PTPRO: variants seen among roughly 807,000 people sequenced by gnomAD.
PTPRO encodes protein tyrosine phosphatase receptor type O.
A neutral mutation model predicts 145.2 loss-of-function variants in PTPRO; 62 were observed. That is an observed-to-expected ratio of 0.43 (90% CI 0.35 to 0.53). PTPRO has a LOEUF of 0.53. Among genes scored for constraint, PTPRO ranks in the 20% least tolerant of loss-of-function variants. The pLI, the probability that PTPRO is intolerant of heterozygous loss-of-function variation, is 0.01. For missense variants in PTPRO, 1,345 were observed against 1,482.7 expected (o/e 0.91, Z 1.53); for synonymous variants, 565 against 514.7 (o/e 1.10, Z -1.32).
intron 1 of PTPRO, among the ~76,000 whole-genome samples, chr12:15,457,285 A>G (rs1174958137): frequency 6.6e-6 from 1 of 152,214 alleles, no homozygotes; most frequent in African/African-American, 2.4e-5. Flanking sequence ...CAGCTCACAG[A>G]CAGCCTATTG....
chr12:15,505,818 GTTACA>G (rs1942310092), intron 6 of PTPRO, among the ~76,000 whole-genome samples: 1 of 152,146 alleles, frequency 6.6e-6, no homozygotes, highest in Non-Finnish European at 1.5e-5. Context: ...GTGTTGAGCT[GTTACA>G]TTACAATTTA....
intron 1 of PTPRO, among the ~76,000 whole-genome samples, chr12:15,423,308 C>A (rs527273752): frequency 2.0e-5 from 3 of 152,080 alleles, no homozygotes; most frequent in Non-Finnish European, 4.4e-5. Flanking sequence ...ATTTACCGAT[C>A]TTGTGAAATT....
intron 19 of PTPRO, among the ~76,000 whole-genome samples, chr12:15,575,950 A>C (rs1944176255): frequency 1.3e-5 from 2 of 152,176 alleles, no homozygotes; most frequent in South Asian, 4.1e-4. Flanking sequence ...AACTGCAAAG[A>C]CACTTTCTCC....
At chr12:15,561,292 G>A (rs1943766507) in intron 17 of PTPRO, among the ~76,000 whole-genome samples, 1 of 152,006 alleles carries the variant, frequency 6.6e-6, no homozygotes, top group Admixed American at 6.6e-5. Context: ...GCAATCTGGA[G>A]CATTTATTTA....
chr12:15,582,432 A>G (rs1042067346), intron 23 of PTPRO, among the ~76,000 whole-genome samples: 1 of 152,208 alleles, frequency 6.6e-6, no homozygotes, highest in South Asian at 2.1e-4. Flanking sequence ...GGAAAAATCC[A>G]TTCTCAGTGT....
chr12:15,562,359 C>T (rs904199913), intron 17 of PTPRO, among the ~76,000 whole-genome samples: 1 of 152,108 alleles, frequency 6.6e-6, no homozygotes, highest in Admixed American at 6.6e-5. Flanking sequence ...ATGTGTTTGT[C>T]TTCATATTTC....
At chr12:15,510,327 A>T (rs1225857613) in intron 7 of PTPRO, among the ~76,000 whole-genome samples, 1 of 152,192 alleles carries the variant, frequency 6.6e-6, no homozygotes, top group African/African-American at 2.4e-5. Context: ...ATCACAGTTC[A>T]TTGTGTAACT....
intron 1 of PTPRO, among the ~76,000 whole-genome samples, chr12:15,431,233 C>T (rs927997915): frequency 6.6e-6 from 1 of 152,202 alleles, no homozygotes; most frequent in East Asian, 1.9e-4. Flanking sequence ...CCCACCCTAA[C>T]TTTGCCTTTA....
At chr12:15,439,759 G>T in intron 1 of PTPRO, 1 of 580,102 alleles carries the variant, frequency 1.7e-6, no homozygotes, top group East Asian at 3.9e-5. Context: ...AGTCCCTGGA[G>T]GAGATCTACC....
At position 15,501,853 on chromosome 12, in the gene PTPRO, T is replaced by G; in HGVS notation, c.895T>G (p.Trp299Gly). 3 of 1,614,098 alleles carry G rather than the reference T, an allele frequency of 1.9e-6. No homozygotes were observed. Among genetic ancestry groups the G allele is most frequent in the Non-Finnish European group, 2.5e-6 (3 of 1,179,974 alleles). The change falls in exon 5 of 27, where the codon TGG becomes GGG. Residue 299 changes from tryptophan to glycine, a missense_variant. Trp to Gly is a radical substitution (Grantham distance 184). Transcript: ENST00000281171. ...SDYETTSQPY[W>G]WDSASAAPES... Reference sequence around the variant, plus strand: ...CTATGAAACTACGTCTCAGCCATATTGGTGGGACAGTGCATCTGCAGCTCC... The same window carrying G: ...CTATGAAACTACGTCTCAGCCATATGGGTGGGACAGTGCATCTGCAGCTCC...
At chr12:15,492,711 G>A (rs565141509) in intron 2 of PTPRO, among the ~76,000 whole-genome samples, 13 of 152,244 alleles carry the variant, frequency 8.5e-5, no homozygotes, top group Admixed American at 6.5e-5. Context: ...AAAAGCTTCA[G>A]TAGATAGGAC....
chr12:15,486,738 C>T (rs907586622), intron 2 of PTPRO, among the ~76,000 whole-genome samples: 5 of 151,808 alleles, frequency 3.3e-5, no homozygotes, highest in Non-Finnish European at 7.4e-5. Context: ...TAAAGTTGCA[C>T]TAGCCTAATT....
chr12:15,589,564 T>C lies in PTPRO; in HGVS notation c.3520T>C (p.Tyr1174His). ...ILGLVSEMRS[Y>H]RMSMVQTEEQ... ...AGGGCTGGTGTCAGAAATGAGGTCA[T>C]ACCGGATGTCTATGGTACAGACAGA... The change falls in exon 25 of 27, where the codon TAC becomes CAC. Residue 1174 changes from tyrosine (Y) to histidine (H), a missense_variant. This residue lies in a region of PTPRO where 208 missense variants were observed against 242.8 expected (regional missense o/e 0.86). Coordinates refer to ENST00000281171, the MANE Select transcript of PTPRO (RefSeq NM_030667.3). 2 of 1,614,164 alleles carry C rather than the reference T, an allele frequency of 1.2e-6. No individual in the cohort carries two copies. Among genetic ancestry groups the C allele is most frequent in the Non-Finnish European group, 1.7e-6 (2 of 1,180,004 alleles).
intron 15 of PTPRO, 29 bp from the exon 16 acceptor site, chr12:15,557,426 A>T: frequency 6.3e-7 from 1 of 1,593,680 alleles, no homozygotes; most frequent in Non-Finnish European, 8.6e-7. Context: ...TCAAGCAGTA[A>T]CCTTGATTTT....
At position 15,322,950 on chromosome 12, in the gene PTPRO, G is replaced by C; in HGVS notation, c.75+149G>C. The C allele has an allele frequency of 1.3e-6, 1 of 754,296 alleles. No individual in the cohort carries two copies. The highest frequency in any genetic ancestry group is 2.1e-6 in the Non-Finnish European group (1 of 473,588). The allele number at this position is 754,296 out of a possible 1,614,324, so 46.7% of individuals were successfully genotyped here. A position where few individuals can be genotyped will look rare whatever the true frequency, so the allele number is the denominator to read the frequency against. ...GCCGTGCAGCCTGGGCGCACGCTTT[G>C]TTGTCCTCGCGTGTGCGTGTTCCTG... On this transcript the variant is annotated intron_variant, in intron 1 of 26. Transcript: ENST00000281171. This position sits in a 1 kb window ranked among gnomAD's most constrained non-coding sequence, Gnocchi z 6.3.
At position 15,596,128 on chromosome 12, in the gene PTPRO, G is replaced by A. The variant is rs1944654943; in HGVS notation, c.*55G>A. 6.6e-6 allele frequency: 1 copy of A among 152,428 alleles called. No individual in the cohort carries two copies. Among genetic ancestry groups the A allele is most frequent in the Non-Finnish European group, 1.5e-5 (1 of 68,034 alleles). The allele number at this position is 152,428 out of a possible 1,614,324, so 9.4% of individuals were successfully genotyped here. The stretch of plus-strand genomic sequence containing the variant: ...GTGCGCCCATCCTCCCTTGCTTCCA[G>A]ATTGTTTTAGTGGGCCCTGATGGTC... On this transcript the variant is annotated 3_prime_UTR_variant, in exon 27 of 27. Coordinates refer to ENST00000281171, the MANE Select transcript of PTPRO (RefSeq NM_030667.3).
chr12:15,389,104 ATTT>A (rs148751888), intron 1 of PTPRO, among the ~76,000 whole-genome samples: 4 of 137,714 alleles, frequency 2.9e-5, no homozygotes, highest in Admixed American at 7.2e-5. Flanking sequence ...TAAATAAAGA[ATTT>A]TTTTTTTTTT....
intron 1 of PTPRO, chr12:15,440,146 T>G: frequency 1.5e-6 from 1 of 657,612 alleles, no homozygotes; most frequent in Non-Finnish European, 2.8e-6. Context: ...TCTCAGCCCC[T>G]GTGCCCAAGA....
rs138090994 is a variant in PTPRO, at chr12:15,562,790, A to G, written c.2711+2514A>G. Among the ~76,000 whole-genome samples the G allele has an allele frequency of 2.1e-3, 303 of 143,414 alleles. 4 individuals carry two copies. In the East Asian group the frequency reaches 0.033, roughly 16 times the overall value. The allele number at this position is 143,414 out of a possible 152,430, so 94.1% of individuals were successfully genotyped here. ...AATGACCCTCATGCTGTACTCAGGT[A>G]TTTATCTGCTTGTTCTCAATCCTAG... On this transcript the variant is annotated intron_variant, in intron 17 of 26. Transcript: ENST00000281171.
Sources: gnomAD v4.1 joint callset for allele counts (sites outside exome capture counted in the v4.1 genomes callset) on GRCh38, gnomAD v4.1.1 for gene constraint, gnomAD v4.1.1 regional missense constraint, Gnocchi (gnomAD v3.1) non-coding constraint, MANE v1.5 for transcripts, NCBI Gene and HGNC (gene_info 2026-07-23, HGNC 2026-07-21) for gene names.